POC1B: variants seen among roughly 807,000 people sequenced by gnomAD.
POC1B encodes the protein POC1 centriolar protein homolog B.
In POC1B, 44 loss-of-function variants were observed where a neutral mutation model predicts 60.6. The ratio of observed to expected loss-of-function variants is 0.73; its 90% CI spans 0.57 to 0.93. The LOEUF is 0.93. POC1B is among the 40% of genes least tolerant of loss of function. The pLI is 0.00. For synonymous variants in POC1B, 180 were observed against 198.9 expected (o/e 0.90, Z 0.80); for missense variants, 555 against 572.3 (o/e 0.97, Z 0.31).
the POC1B span, among the ~76,000 whole-genome samples, chr12:89,412,846 CCTTTCCTT>C: frequency 1.5e-4 from 19 of 125,040 alleles, no homozygotes; most frequent in African/African-American, 6.8e-4. Context: ...TTCCTTCCTT[CCTTTCCTT>C]CCTCCCTCCC....
chr12:89,414,052 C>T, the POC1B span, among the ~76,000 whole-genome samples: 3,872 of 152,056 alleles, frequency 0.025, 72 homozygotes, highest in Non-Finnish European at 0.036. Flanking sequence ...TCATCATGCC[C>T]GGCTAATTTT....
chr12:89,494,723 T>C (rs1869159754), intron 3 of POC1B, among the ~76,000 whole-genome samples: 1 of 152,188 alleles, frequency 6.6e-6, no homozygotes, highest in Non-Finnish European at 1.5e-5. Context: ...TTGATTCTCC[T>C]GGAACCCAGC....
intron 2 of POC1B, among the ~76,000 whole-genome samples, chr12:89,499,480 G>A (rs1257646018): frequency 1.3e-5 from 2 of 151,748 alleles, no homozygotes; most frequent in African/African-American, 4.8e-5. Flanking sequence ...ACCTGCACAT[G>A]TACTCCCTGA....
chr12:89,484,368 C>T (rs1186947522), intron 4 of POC1B, among the ~76,000 whole-genome samples: 1 of 152,156 alleles, frequency 6.6e-6, no homozygotes, highest in Non-Finnish European at 1.5e-5. Context: ...AATAAAAGGA[C>T]GTTCTTTTTA....
chr12:89,476,466 TGGG>T (rs1257071598), intron 4 of POC1B, among the ~76,000 whole-genome samples: 1 of 152,180 alleles, frequency 6.6e-6, no homozygotes, highest in East Asian at 1.9e-4. Flanking sequence ...CCCAGCACTC[TGGG>T]AGGCTGAGGC....
At chr12:89,447,829 A>G (rs1189315412) in intron 10 of POC1B, among the ~76,000 whole-genome samples, 4 of 152,128 alleles carry the variant, frequency 2.6e-5, no homozygotes, top group Non-Finnish European at 4.4e-5. Context: ...CAAAATTCCT[A>G]TGAAAGTTCC....
chr12:89,510,004 C>T (rs1045869648), intron 2 of POC1B, among the ~76,000 whole-genome samples: 3 of 96,848 alleles, frequency 3.1e-5, no homozygotes, highest in Non-Finnish European at 6.7e-5. Context: ...CGCCACCACA[C>T]TCAGTTAATT....
intron 10 of POC1B, among the ~76,000 whole-genome samples, chr12:89,453,946 TC>T (rs2120779920): frequency 6.6e-6 from 1 of 152,346 alleles, no homozygotes; most frequent in African/African-American, 2.4e-5. Context: ...ATAACCTTTT[TC>T]TTCCTAAAAA....
rs1868689020 is a variant in POC1B, at chr12:89,487,279, G to A, written c.452+4657C>T. On this transcript the variant is annotated intron_variant, in intron 4 of 11. Coordinates refer to ENST00000313546, the MANE Select transcript of POC1B (RefSeq NM_172240.3). ...CCTGCACATGACACGGAGAGGACAA[G>A]GGGGCAAGCTGGTTCCTCAGGGCAA... is the stretch of plus-strand genomic sequence containing the variant. 3.9e-5 allele frequency among the ~76,000 whole-genome samples: 6 copies of A among 152,228 alleles called. No individual in the cohort carries two copies. The South Asian group carries it at 1.2e-3, about 31-fold the overall frequency.
chr12:89,445,051 G>T (rs146033167), intron 10 of POC1B, among the ~76,000 whole-genome samples: 1 of 152,008 alleles, frequency 6.6e-6, no homozygotes, highest in Non-Finnish European at 1.5e-5. Context: ...ACTTACAAGG[G>T]GTGTGAAGGA....
intron 2 of POC1B, chr12:89,522,790 C>G: frequency 6.5e-7 from 1 of 1,541,198 alleles, no homozygotes; most frequent in East Asian, 2.3e-5. Flanking sequence ...ACTGTCAGCT[C>G]ATGACGAAAG....
intron 2 of POC1B, among the ~76,000 whole-genome samples, chr12:89,507,702 G>A (rs59177052): frequency 0.014 from 2,174 of 152,252 alleles, 42 homozygotes; most frequent in African/African-American, 0.046. Flanking sequence ...CTTTGTCTCT[G>A]GAGGTGACAA....
the POC1B span, among the ~76,000 whole-genome samples, chr12:89,408,852 A>T: frequency 6.6e-6 from 1 of 152,036 alleles, no homozygotes; most frequent in Middle Eastern, 3.4e-3. Context: ...TGCGGTTTTG[A>T]TTTGCATTTC....
intron 2 of POC1B, chr12:89,520,538 A>G (rs1274182414): frequency 6.6e-6 from 1 of 152,220 alleles, no homozygotes; most frequent in African/African-American, 2.4e-5. Context: ...ATGCAGGGCC[A>G]AGCATGCTGC....
intron 10 of POC1B, among the ~76,000 whole-genome samples, chr12:89,432,011 G>A (rs1807437800): frequency 6.6e-6 from 1 of 152,042 alleles, no homozygotes; most frequent in African/African-American, 2.4e-5. Context: ...TAATTCTCAT[G>A]AATCCCTCTT....
intron 10 of POC1B, among the ~76,000 whole-genome samples, chr12:89,430,977 T>C (rs1881006072): frequency 6.6e-6 from 1 of 152,122 alleles, no homozygotes; most frequent in Non-Finnish European, 1.5e-5. Context: ...AAATGCCTTC[T>C]CAGAGGTACA....
At chr12:89,489,270 TATCA>T (rs1868818231) in intron 4 of POC1B, among the ~76,000 whole-genome samples, 2 of 152,346 alleles carry the variant, frequency 1.3e-5, no homozygotes, top group Middle Eastern at 3.4e-3. Context: ...AGGTTACTAC[TATCA>T]TCTTCTTATT....
chr12:89,485,653 A>C (rs1240445496), intron 4 of POC1B, among the ~76,000 whole-genome samples: 1 of 152,224 alleles, frequency 6.6e-6, no homozygotes, highest in African/African-American at 2.4e-5. Context: ...ACAAGAGTCA[A>C]CCAAAATGGA....
chr12:89,498,496 T>A (rs1267407391), intron 2 of POC1B, among the ~76,000 whole-genome samples: 2 of 152,218 alleles, frequency 1.3e-5, no homozygotes, highest in Non-Finnish European at 2.9e-5. Flanking sequence ...ACAATTAGTA[T>A]CACTGTTAGA....
Sources: allele counts gnomAD v4.1 joint callset (sites outside exome capture counted in the v4.1 genomes callset), GRCh38; gene constraint gnomAD v4.1.1; transcripts MANE v1.5; gene names NCBI Gene and HGNC (gene_info 2026-07-23, HGNC 2026-07-21).